Variants in PRKCE observed in about 807,000 individuals in gnomAD.
PRKCE encodes the protein protein kinase C epsilon.
A neutral mutation model predicts 85.4 loss-of-function variants in PRKCE; 16 were observed. The ratio of observed to expected loss-of-function variants is 0.19; its 90% CI spans 0.13 to 0.28. The LOEUF is 0.28. Ranked by LOEUF, PRKCE falls within the 10% of genes least tolerant of loss-of-function variation. The pLI is 1.00. For missense variants in PRKCE, 573 were observed against 975.2 expected (o/e 0.59, Z 5.49); for synonymous variants, 388 against 371.5 (o/e 1.04, Z -0.51).
At chr2:46,036,144 CT>C (rs1707843021) in intron 10 of PRKCE, among the ~76,000 whole-genome samples, 1 of 152,160 alleles carries the variant, frequency 6.6e-6, no homozygotes, top group Admixed American at 6.5e-5. Context: ...TGCAAAAGTC[CT>C]GTGGCAGGAG....
chr2:45,767,485 A>G (rs1237246460), intron 1 of PRKCE, among the ~76,000 whole-genome samples: 1 of 152,228 alleles, frequency 6.6e-6, no homozygotes, highest in Admixed American at 6.5e-5. Context: ...GAAAGAGGGT[A>G]TGTAATCAAC....
chr2:45,869,706 C>CTTTTTTT (rs71394860), intron 2 of PRKCE, among the ~76,000 whole-genome samples: 10 of 109,310 alleles, frequency 9.1e-5, no homozygotes, highest in Non-Finnish European at 1.6e-4. Context: ...TTCTCTCTCT[C>CTTTTTTT]TTTTTTTTTT....
intron 2 of PRKCE, among the ~76,000 whole-genome samples, chr2:45,927,924 G>A (rs562699868): frequency 6.6e-6 from 1 of 152,234 alleles, no homozygotes; most frequent in African/African-American, 2.4e-5. Flanking sequence ...CACTCACGGA[G>A]GCAGGAGAGG....
At chr2:46,010,605 T>C (rs955103015) in intron 10 of PRKCE, 88 bp downstream of exon 10, 124 of 1,598,822 alleles carry the variant, frequency 7.8e-5, no homozygotes, top group Non-Finnish European at 1.0e-4. Flanking sequence ...TACATTGTTC[T>C]CTCAAAGACT....
At chr2:45,891,971 C>T (rs1695755410) in intron 2 of PRKCE, among the ~76,000 whole-genome samples, 1 of 152,198 alleles carries the variant, frequency 6.6e-6, no homozygotes, top group South Asian at 2.1e-4. Flanking sequence ...CAAAACAACA[C>T]GGTGGCTCAA....
chr2:46,109,596 T>A (rs1672066005), intron 11 of PRKCE, among the ~76,000 whole-genome samples: 1 of 152,152 alleles, frequency 6.6e-6, no homozygotes, highest in African/African-American at 2.4e-5. Flanking sequence ...TTACAGGAGT[T>A]TTTTGTCGAT....
At chr2:45,842,937 G>T in intron 1 of PRKCE, 63 bp from the exon 2 acceptor site, 1 of 1,467,478 alleles carries the variant, frequency 6.8e-7, no homozygotes. Flanking sequence ...TAGAAATGTT[G>T]TGGAACTCTT....
intron 10 of PRKCE, among the ~76,000 whole-genome samples, chr2:46,053,273 C>T (rs528524083): frequency 6.6e-6 from 1 of 152,182 alleles, no homozygotes; most frequent in South Asian, 2.1e-4. Flanking sequence ...GGAAAGTGAC[C>T]TTATTATGTT....
At chr2:46,152,103 G>A (rs981223730) in intron 13 of PRKCE, among the ~76,000 whole-genome samples, 1 of 151,980 alleles carries the variant, frequency 6.6e-6, no homozygotes, top group Admixed American at 6.6e-5. Context: ...ATCTTCAAGT[G>A]TCTTCTGCAC....
At chr2:45,936,203 C>T (rs1699440295) in intron 2 of PRKCE, among the ~76,000 whole-genome samples, 2 of 152,224 alleles carry the variant, frequency 1.3e-5, no homozygotes, top group Admixed American at 1.3e-4. Context: ...CCCCTGCCTG[C>T]TGTGCCCCCA....
intron 1 of PRKCE, among the ~76,000 whole-genome samples, chr2:45,680,335 AC>A (rs1662596244): frequency 6.6e-6 from 1 of 152,244 alleles, no homozygotes; most frequent in African/African-American, 2.4e-5. Context: ...GAATAAGCAT[AC>A]AACCGCTCTG....
intron 1 of PRKCE, among the ~76,000 whole-genome samples, chr2:45,788,525 G>A (rs978984309): frequency 1.3e-5 from 2 of 152,130 alleles, no homozygotes; most frequent in East Asian, 1.9e-4. Context: ...CAATCAGGGG[G>A]CCTGCTTCTA....
At chr2:46,091,566 G>A (rs1003777670) in intron 11 of PRKCE, among the ~76,000 whole-genome samples, 9 of 152,208 alleles carry the variant, frequency 5.9e-5, no homozygotes, top group Non-Finnish European at 1.0e-4. Context: ...GTGCAGCAGA[G>A]GGTGGAGAAA....
At chr2:45,910,040 A>AC (rs1373159323) in intron 2 of PRKCE, among the ~76,000 whole-genome samples, 9 of 134,022 alleles carry the variant, frequency 6.7e-5, no homozygotes, top group African/African-American at 2.5e-4. Flanking sequence ...CAGTAAACTC[A>AC]CCGCCCCCCC....
At chr2:46,043,858 A>G (rs6746126) in intron 10 of PRKCE, among the ~76,000 whole-genome samples, 94,053 of 152,130 alleles carry the variant, frequency 0.62, 29,948 homozygotes, top group African/African-American at 0.74. Flanking sequence ...ATAGTGGCTG[A>G]TTGTTTAGGA....
At chr2:46,118,328 T>C (rs1275246545) in intron 11 of PRKCE, among the ~76,000 whole-genome samples, 1 of 152,186 alleles carries the variant, frequency 6.6e-6, no homozygotes, top group African/African-American at 2.4e-5. Context: ...AGAAAGAAAC[T>C]ACCCAAAGTT....
chr2:45,969,415 G>T (rs547263644), intron 2 of PRKCE, among the ~76,000 whole-genome samples: 2 of 152,346 alleles, frequency 1.3e-5, no homozygotes, highest in African/African-American at 4.8e-5. Flanking sequence ...CACGGCAAAT[G>T]AACTGTCATG....
At chr2:45,687,346 T>C (rs757151049) in intron 1 of PRKCE, among the ~76,000 whole-genome samples, 11 of 152,178 alleles carry the variant, frequency 7.2e-5, no homozygotes, top group Non-Finnish European at 1.2e-4. Flanking sequence ...TATACATGAC[T>C]CTTAAATATA....
intron 2 of PRKCE, among the ~76,000 whole-genome samples, chr2:45,868,703 G>A (rs371343915): frequency 8.7e-5 from 13 of 149,320 alleles, no homozygotes; most frequent in South Asian, 2.2e-4. Flanking sequence ...GAGGCAGGCC[G>A]AGGTGGGCGG....
Sources: allele counts gnomAD v4.1 joint callset (sites outside exome capture counted in the v4.1 genomes callset), GRCh38; gene constraint gnomAD v4.1.1; transcripts MANE v1.5; gene names NCBI Gene and HGNC (gene_info 2026-07-23, HGNC 2026-07-21).